SRGAP3: variants seen among roughly 807,000 people sequenced by gnomAD.
SRGAP3 encodes the protein SLIT-ROBO Rho GTPase-activating protein 3.
In SRGAP3, 39 loss-of-function variants were observed where a neutral mutation model predicts 121.1. The ratio of observed to expected loss-of-function variants is 0.32; its 90% CI spans 0.25 to 0.42. SRGAP3 has a LOEUF of 0.42. Among genes scored for constraint, SRGAP3 ranks in the 10% least tolerant of loss-of-function variants. The probability of loss-of-function intolerance (pLI) is 1.00; values close to 1 mark genes in which losing one functional copy is unlikely to be tolerated. For synonymous variants in SRGAP3, 601 were observed against 570.0 expected (o/e 1.05, Z -0.77); for missense variants, 1,213 against 1,470.6 (o/e 0.82, Z 2.86).
intron 3 of SRGAP3, among the ~76,000 whole-genome samples, chr3:9,274,441 C>T (rs1433065240): frequency 6.6e-6 from 1 of 152,136 alleles, no homozygotes; most frequent in Non-Finnish European, 1.5e-5. Context: ...GGAGCCAGGG[C>T]GAGTACTTTT....
At chr3:9,008,861 C>A (rs1425971073) in intron 18 of SRGAP3, among the ~76,000 whole-genome samples, 1 of 152,176 alleles carries the variant, frequency 6.6e-6, no homozygotes, top group Non-Finnish European at 1.5e-5. Context: ...GACTCCACCC[C>A]AGGACCTCTC....
At chr3:9,213,815 G>C (rs1211726228) in intron 1 of SRGAP3, among the ~76,000 whole-genome samples, 1 of 152,128 alleles carries the variant, frequency 6.6e-6, no homozygotes, top group Non-Finnish European at 1.5e-5. Context: ...ATACTTTCTT[G>C]TAGTTTCCTC....
At chr3:9,184,864 A>G (rs1951547419) in intron 1 of SRGAP3, among the ~76,000 whole-genome samples, 1 of 152,120 alleles carries the variant, frequency 6.6e-6, no homozygotes, top group South Asian at 2.1e-4. Flanking sequence ...TCAGCTCAGA[A>G]GGTATAAATC....
intron 1 of SRGAP3, among the ~76,000 whole-genome samples, chr3:9,209,026 G>A (rs1179637736): frequency 6.6e-6 from 1 of 152,184 alleles, no homozygotes; most frequent in African/African-American, 2.4e-5. Context: ...ACACAAAAAT[G>A]ACTAAATAAG....
At position 9,124,814 on chromosome 3, in the gene SRGAP3, A is replaced by C. The variant is rs138801402; in HGVS notation, c.171T>G (p.Ala57=). 2,317 of 1,614,248 alleles carry C rather than the reference A, an allele frequency of 1.4e-3. 4 individuals are homozygous for C. Among genetic ancestry groups the C allele is most frequent in the Non-Finnish European group, 1.7e-3 (2,062 of 1,180,058 alleles). ...TGCGGGAGTACTCGAGCTCAATCTC[A>C]GCTTTCCGGCGGAAAAACTCCTGGA... ...QDLQEFFRRK[A]EIELEYSRSL... Residue 57 remains alanine, a synonymous_variant, in exon 2 of 22, where the codon GCT becomes GCG. Coordinates refer to ENST00000383836, the MANE Select transcript of SRGAP3 (RefSeq NM_014850.4).
At position 8,981,529 on chromosome 3, in the gene SRGAP3, C is replaced by T. The variant is rs1229684068; in HGVS notation, c.*3990G>A. 1 of 232,782 alleles carries T rather than the reference C, an allele frequency of 4.3e-6. No homozygotes were observed. The highest frequency in any genetic ancestry group is 8.5e-6 in the Non-Finnish European group (1 of 117,472). The allele number at this position is 232,782 out of a possible 1,614,324, so 14.4% of individuals were successfully genotyped here. ...TGTTTTTCCATTAGCTGTGGACATG[C>T]ACTGAATGCCACATCACGACCAGGT... On this transcript the variant is annotated 3_prime_UTR_variant, in exon 22 of 22. Transcript: ENST00000383836.
chr3:9,188,190 T>G (rs556217687), intron 1 of SRGAP3, among the ~76,000 whole-genome samples: 124 of 152,256 alleles, frequency 8.1e-4, no homozygotes, highest in Non-Finnish European at 1.4e-3. Flanking sequence ...GGCTGACAAC[T>G]GAAAAATCCA....
chr3:9,202,963 C>G (rs1375406545), intron 1 of SRGAP3, among the ~76,000 whole-genome samples: 3 of 152,196 alleles, frequency 2.0e-5, no homozygotes, highest in African/African-American at 7.2e-5. Flanking sequence ...TCTCCCCAAG[C>G]CAGGCCAACT....
chr3:9,225,026 A>C (rs1952939871), intron 1 of SRGAP3, among the ~76,000 whole-genome samples: 1 of 152,198 alleles, frequency 6.6e-6, no homozygotes, highest in African/African-American at 2.4e-5. Flanking sequence ...TAGAGCTAAC[A>C]GTCCTTGAAG....
rs770654909 is a variant in SRGAP3, at chr3:8,985,236, C to T, written c.*283G>A. 11 of 529,830 alleles carry T rather than the reference C, an allele frequency of 2.1e-5. No homozygotes were observed. The Admixed American group carries it at 2.9e-4, about 14-fold the overall frequency. The allele number at this position is 529,830 out of a possible 1,614,324, so 32.8% of individuals were successfully genotyped here. A position where few individuals can be genotyped will look rare whatever the true frequency, so the allele number is the denominator to read the frequency against. On this transcript the variant is annotated 3_prime_UTR_variant, in exon 22 of 22. Coordinates refer to ENST00000383836, the MANE Select transcript of SRGAP3 (RefSeq NM_014850.4). This position sits in a 1 kb window ranked among gnomAD's most constrained non-coding sequence, Gnocchi z 5.1. Reference sequence around the variant, plus strand: ...TCCAGTGACGATATGCGGGAGAAGCCATGTGGTATTTTGCCTCCATGTTAG... The same window carrying T: ...TCCAGTGACGATATGCGGGAGAAGCTATGTGGTATTTTGCCTCCATGTTAG...
At chr3:9,017,103 T>C (rs1943676976) in intron 14 of SRGAP3, among the ~76,000 whole-genome samples, 1 of 152,190 alleles carries the variant, frequency 6.6e-6, no homozygotes, top group Non-Finnish European at 1.5e-5. Flanking sequence ...CAGCGGGCTC[T>C]GTTTGCTTTT....
chr3:9,053,783 G>C (rs1945694582), intron 8 of SRGAP3, among the ~76,000 whole-genome samples: 1 of 152,198 alleles, frequency 6.6e-6, no homozygotes, highest in African/African-American at 2.4e-5. Context: ...GTTCAGCTAG[G>C]ACTCCAGTTT....
chr3:9,105,008 G>C (rs555361044), intron 2 of SRGAP3, among the ~76,000 whole-genome samples, 166 bp from the exon 3 acceptor site: 10 of 152,314 alleles, frequency 6.6e-5, no homozygotes, highest in African/African-American at 2.4e-4. Context: ...CAGCTGAAGG[G>C]ATCCTCCAAG....
intron 1 of SRGAP3, among the ~76,000 whole-genome samples, chr3:9,215,758 T>C (rs1225223160): frequency 1.3e-5 from 2 of 152,222 alleles, no homozygotes; most frequent in Non-Finnish European, 2.9e-5. Flanking sequence ...ACATCAGAAC[T>C]CAGGTCCCCC....
intron 1 of SRGAP3, among the ~76,000 whole-genome samples, chr3:9,184,960 C>G (rs1416828128): frequency 1.3e-5 from 2 of 152,208 alleles, no homozygotes; most frequent in Non-Finnish European, 2.9e-5. Context: ...CCTGGGCTGG[C>G]TGTTGTATTG....
chr3:9,187,119 C>A (rs1021359764), intron 1 of SRGAP3, among the ~76,000 whole-genome samples: 4 of 150,164 alleles, frequency 2.7e-5, no homozygotes, highest in African/African-American at 9.9e-5. Context: ...CCCAGCCCCC[C>A]ACCCCCCGAC....
intron 3 of SRGAP3, among the ~76,000 whole-genome samples, chr3:9,099,023 A>T (rs1375232098): frequency 6.6e-6 from 1 of 152,016 alleles, no homozygotes; most frequent in Non-Finnish European, 1.5e-5. Flanking sequence ...CCAGCATGCA[A>T]ACACTCACTC....
intron 3 of SRGAP3, among the ~76,000 whole-genome samples, chr3:9,286,084 C>A (rs1177102186): frequency 6.7e-6 from 1 of 149,634 alleles, no homozygotes; most frequent in Non-Finnish European, 1.5e-5. Context: ...TGCACTCCAG[C>A]CTGGGTGACA....
chr3:9,105,164 G>GT (rs561864657), intron 2 of SRGAP3, among the ~76,000 whole-genome samples: 1 of 152,214 alleles, frequency 6.6e-6, no homozygotes, highest in Non-Finnish European at 1.5e-5. Context: ...TAAACCAATT[G>GT]TTTTTTAAAT....
Sources: gnomAD v4.1 joint callset for allele counts (sites outside exome capture counted in the v4.1 genomes callset) on GRCh38, gnomAD v4.1.1 for gene constraint, Gnocchi (gnomAD v3.1) non-coding constraint, MANE v1.5 for transcripts, NCBI Gene and HGNC (gene_info 2026-07-23, HGNC 2026-07-21) for gene names.